ZFR2: variants seen among roughly 807,000 people sequenced by gnomAD.
ZFR2 encodes the protein zinc finger RNA binding protein 2.
Under a neutral mutation model 105.7 loss-of-function variants are expected in ZFR2, and 104 were observed. The observed-to-expected ratio is 0.98, with a 90% confidence interval of 0.84 to 1.16. ZFR2 has a LOEUF of 1.16. Ranked by LOEUF, ZFR2 falls within the 50% of genes most tolerant of loss-of-function variation. The pLI is 0.00. For synonymous variants in ZFR2, 634 were observed against 597.7 expected, an observed-to-expected ratio of 1.06 and a Z score of -0.89; for missense variants, 1,425 against 1,355.5, an observed-to-expected ratio of 1.05 and a Z score of -0.80.
In ZFR2 at chr19:3,807,246, A is replaced by G. The variant is rs2037706726; in HGVS notation, c.2569T>C (p.Cys857Arg). ...LTDGPGLQDP[C>R]ERDQTDALEP... ...AGGGCATCTGTCTGGTCTCTCTCGC[A>G]GGGATCCTGGAGCCCGGGCCCGTCT... Residue 857 changes from cysteine to arginine, a missense_variant, in exon 18 of 19, where the codon TGC becomes CGC. Coordinates refer to ENST00000262961, the MANE Select transcript of ZFR2 (RefSeq NM_015174.2). The G allele has an allele frequency of 1.3e-6, 2 of 1,560,098 alleles. No individual in the cohort carries two copies. The highest frequency in any genetic ancestry group is 1.2e-5 in the South Asian group (1 of 84,766).
chr19:3,839,626 C>T (rs1158814312), intron 1 of ZFR2, among the ~76,000 whole-genome samples: 2 of 139,316 alleles, frequency 1.4e-5, no homozygotes, highest in South Asian at 5.0e-4. Flanking sequence ...GGGGATGACA[C>T]TTCTTTTTTA....
chr19:3,808,862 A>G lies in ZFR2; in HGVS notation c.2545+10T>C. 6.5e-7 allele frequency: 1 copy of G among 1,540,296 alleles called. No individual in the cohort carries two copies. The highest frequency in any genetic ancestry group is 1.2e-5 in the South Asian group (1 of 83,490). ...GCCCACCTCCTGGGCCCTCCGGCCC[A>G]GCGACTGACCTGTCAGGAGCGTCCC... On this transcript the variant is annotated intron_variant, in intron 17 of 18. Transcript: ENST00000262961.
chr19:3,808,086 T>C (rs2037721028), intron 17 of ZFR2, among the ~76,000 whole-genome samples: 1 of 137,102 alleles, frequency 7.3e-6, no homozygotes, highest in Admixed American at 7.8e-5. Flanking sequence ...TGCAAGTACA[T>C]CCATGTGTGC....
At position 3,838,904 on chromosome 19, in the gene ZFR2, G is replaced by A. The variant is rs1220389872; in HGVS notation, c.54-3921C>T. 6.6e-6 allele frequency among the ~76,000 whole-genome samples: 1 copy of A among 152,178 alleles called. No individual in the cohort carries two copies. The highest frequency in any genetic ancestry group is 1.9e-4 in the East Asian group (1 of 5,184). On this transcript the variant is annotated intron_variant, in intron 1 of 18. Coordinates refer to ENST00000262961, the MANE Select transcript of ZFR2 (RefSeq NM_015174.2). This position sits in a 1 kb window ranked among gnomAD's most constrained non-coding sequence, Gnocchi z 4.9. Reference sequence around the variant, plus strand: ...CTGTCTCCCGGGGCCGCGGCACGTGGCATGCAGCAGGGGCTCCATGCACAT... The same window carrying A: ...CTGTCTCCCGGGGCCGCGGCACGTGACATGCAGCAGGGGCTCCATGCACAT...
chr19:3,868,209 T>A (rs1165599549), intron 1 of ZFR2, among the ~76,000 whole-genome samples: 1 of 147,384 alleles, frequency 6.8e-6, no homozygotes, highest in East Asian at 2.0e-4. Flanking sequence ...CTTACCCCCA[T>A]CAGGGGCCAA....
At chr19:3,857,551 G>A (rs538626030) in intron 1 of ZFR2, among the ~76,000 whole-genome samples, 60 of 151,276 alleles carry the variant, frequency 4.0e-4, no homozygotes, top group African/African-American at 1.3e-3. Flanking sequence ...AAAAAAAGCC[G>A]GGCATGGTGG....
At chr19:3,865,974 T>A (rs2038422742) in intron 1 of ZFR2, among the ~76,000 whole-genome samples, 1 of 152,038 alleles carries the variant, frequency 6.6e-6, no homozygotes, top group African/African-American at 2.4e-5. Context: ...CCCGAGTAAC[T>A]GGGATTACAG....
chr19:3,820,011 G>A (rs1347753810), intron 11 of ZFR2, among the ~76,000 whole-genome samples, 171 bp downstream of exon 11: 3 of 152,204 alleles, frequency 2.0e-5, no homozygotes, highest in East Asian at 1.9e-4. Context: ...AGTGGCAGGG[G>A]CTGGGGTGCT....
chr19:3,810,719 T>C, intron 16 of ZFR2, 31 bp downstream of exon 16: 1 of 1,539,506 alleles, frequency 6.5e-7, no homozygotes, highest in Non-Finnish European at 8.8e-7. Flanking sequence ...GGGGTCCCAG[T>C]GGAGGGCCGG....
At chr19:3,852,515 C>G (rs1599251919) in intron 1 of ZFR2, 4 of 718,508 alleles carry the variant, frequency 5.6e-6, no homozygotes, top group South Asian at 4.4e-5. Context: ...AGCTTGGGCA[C>G]AGGGCAGTCA....
chr19:3,860,189 C>A (rs987639606), intron 1 of ZFR2, among the ~76,000 whole-genome samples: 1 of 146,060 alleles, frequency 6.8e-6, no homozygotes, highest in African/African-American at 2.6e-5. Context: ...CACCACCATG[C>A]CTGGCTAATT....
chr19:3,806,268 CGCT>C, intron 18 of ZFR2, 143 bp from the exon 19 acceptor site: 1 of 962,482 alleles, frequency 1.0e-6, no homozygotes. Context: ...GGCCCCCCGC[CGCT>C]TTCTTTTTTG....
intron 1 of ZFR2, 73 bp downstream of exon 1, chr19:3,868,892 G>C: frequency 8.6e-7 from 1 of 1,163,660 alleles, no homozygotes; most frequent in South Asian, 4.0e-5. Context: ...CGCGGCGGGA[G>C]AAGGGGTAGG....
chr19:3,862,480 T>C (rs960199832), intron 1 of ZFR2, among the ~76,000 whole-genome samples: 2 of 152,102 alleles, frequency 1.3e-5, no homozygotes, highest in African/African-American at 2.4e-5. Flanking sequence ...GGATTTTCAA[T>C]TGAGATGGGG....
At chr19:3,860,334 C>A (rs1007819630) in intron 1 of ZFR2, among the ~76,000 whole-genome samples, 1 of 152,058 alleles carries the variant, frequency 6.6e-6, no homozygotes, top group South Asian at 2.1e-4. Flanking sequence ...CCACTGCACC[C>A]GGCCCGAAAG....
At chr19:3,835,420 G>A (rs1457284342) in intron 1 of ZFR2, among the ~76,000 whole-genome samples, 1 of 151,802 alleles carries the variant, frequency 6.6e-6, no homozygotes, top group Non-Finnish European at 1.5e-5. Flanking sequence ...CCGCCTCCCA[G>A]GTTCAAGCAA....
rs1357211188 is a variant in ZFR2, at chr19:3,811,302, C to G, written c.2307G>C (p.Leu769=). The change falls in exon 15 of 19, where the codon CTG becomes CTC. Residue 769 remains leucine, a synonymous_variant. Coordinates refer to ENST00000262961, the MANE Select transcript of ZFR2 (RefSeq NM_015174.2). ...ACCACCTGGCATGACGGAGGGCGGC[C>G]AGGGACTCGAGGCACTTCTTGGGGC... ...VLSPKKCLES[L]AALRHARWFQ... is the part of the protein sequence containing the mutation. The G allele has an allele frequency of 1.2e-6, 2 of 1,603,852 alleles. No homozygotes were observed. The highest frequency in any genetic ancestry group is 1.7e-6 in the Non-Finnish European group (2 of 1,175,950).
At chr19:3,847,421 G>C (rs2038194865) in intron 1 of ZFR2, among the ~76,000 whole-genome samples, 1 of 152,110 alleles carries the variant, frequency 6.6e-6, no homozygotes, top group Admixed American at 6.6e-5. Flanking sequence ...CTACTCAGGA[G>C]GCTGAAGCAG....
intron 1 of ZFR2, among the ~76,000 whole-genome samples, chr19:3,863,811 C>G (rs1235355253): frequency 2.0e-5 from 3 of 152,198 alleles, no homozygotes; most frequent in Non-Finnish European, 4.4e-5. Context: ...CTGGCCTGGG[C>G]CCATTCCTAG....
Sources: allele counts gnomAD v4.1 joint callset (sites outside exome capture counted in the v4.1 genomes callset), GRCh38; gene constraint gnomAD v4.1.1; non-coding constraint Gnocchi (gnomAD v3.1); transcripts MANE v1.5; gene names NCBI Gene and HGNC (gene_info 2026-07-23, HGNC 2026-07-21).